The following NECAB1 variants were observed in gnomAD, a reference collection of about 807,000 sequenced individuals.
NECAB1 encodes the protein N-terminal EF-hand calcium binding protein 1.
A neutral mutation model predicts 57.5 loss-of-function variants in NECAB1; 29 were observed. That is an observed-to-expected ratio of 0.50 (90% CI 0.38 to 0.69). The LOEUF (loss-of-function observed/expected upper bound fraction) is 0.69, where lower values mean the gene tolerates loss of function less well. NECAB1 is among the 30% of genes least tolerant of loss of function. The pLI is 0.00. For synonymous variants in NECAB1, 142 were observed against 147.7 expected (o/e 0.96, Z 0.28); for missense variants, 372 against 413.8 (o/e 0.90, Z 0.88).
chr8:90,798,434 A>G (rs184621880), intron 1 of NECAB1, among the ~76,000 whole-genome samples: 1 of 151,998 alleles, frequency 6.6e-6, no homozygotes, highest in East Asian at 1.9e-4. Context: ...TAGTGTTTCA[A>G]CTCTTCTCCC....
rs116603870 is a variant in NECAB1, at chr8:90,932,053, C to T, written c.694-2251C>T. The stretch of plus-strand genomic sequence containing the variant: ...GTATCATCAGATCACAGGACATTCT[C>T]ATTTGAAAGGATGTAATTCAGGATG... On this transcript the variant is annotated intron_variant, in intron 8 of 12. Coordinates refer to ENST00000417640, the MANE Select transcript of NECAB1 (RefSeq NM_022351.5). 2.6e-3 allele frequency among the ~76,000 whole-genome samples: 395 copies of T among 152,216 alleles called. 3 individuals are homozygous for T. The highest frequency in any genetic ancestry group is 8.4e-3 in the African/African-American group (348 of 41,544).
chr8:90,914,988 T>C (rs547100446), intron 5 of NECAB1, among the ~76,000 whole-genome samples: 169 of 152,204 alleles, frequency 1.1e-3, no homozygotes, highest in Non-Finnish European at 6.2e-4. Context: ...CTCTTTTCTA[T>C]AATTCTGACA....
chr8:90,938,604 A>G (rs1460903786), intron 9 of NECAB1, among the ~76,000 whole-genome samples: 1 of 152,210 alleles, frequency 6.6e-6, no homozygotes, highest in African/African-American at 2.4e-5. Flanking sequence ...GCTTGTCAGA[A>G]TAGTCATCAA....
chr8:90,881,164 A>G (rs1211802543), intron 5 of NECAB1, 34 bp downstream of exon 5: 2 of 1,423,104 alleles, frequency 1.4e-6, no homozygotes, highest in Non-Finnish European at 9.6e-7. Context: ...TTCTATAAAA[A>G]TCTCTTCTTT....
At chr8:90,902,107 T>G (rs139804646) in intron 5 of NECAB1, among the ~76,000 whole-genome samples, 153 of 152,330 alleles carry the variant, frequency 1.0e-3, no homozygotes, top group African/African-American at 3.1e-3. Flanking sequence ...TTGAAACTTC[T>G]CAGATTGTTC....
intron 5 of NECAB1, among the ~76,000 whole-genome samples, chr8:90,883,930 T>G (rs1808907268): frequency 6.6e-6 from 1 of 152,176 alleles, no homozygotes; most frequent in African/African-American, 2.4e-5. Flanking sequence ...CAAAAGCAAA[T>G]GTAGAATTCT....
At chr8:90,863,702 G>A (rs1043647231) in intron 3 of NECAB1, among the ~76,000 whole-genome samples, 2 of 152,024 alleles carry the variant, frequency 1.3e-5, no homozygotes, top group African/African-American at 4.8e-5. Flanking sequence ...TATTTCCTAA[G>A]TTTTAAAATC....
intron 4 of NECAB1, among the ~76,000 whole-genome samples, chr8:90,879,051 T>G (rs981474360): frequency 1.3e-4 from 19 of 142,612 alleles, no homozygotes; most frequent in Admixed American, 1.0e-3. Context: ...ATTATTTATA[T>G]AATATATATC....
At chr8:90,941,820 C>T (rs1221974986) in intron 10 of NECAB1, among the ~76,000 whole-genome samples, 1 of 152,248 alleles carries the variant, frequency 6.6e-6, no homozygotes, top group African/African-American at 2.4e-5. Flanking sequence ...TCTCTGCCAG[C>T]CCATGCACTG....
At chr8:90,846,113 A>C (rs1285462681) in intron 3 of NECAB1, among the ~76,000 whole-genome samples, 1 of 152,258 alleles carries the variant, frequency 6.6e-6, no homozygotes, top group Admixed American at 6.5e-5. Flanking sequence ...GCCAGCTTTA[A>C]TGTAATGCCG....
In NECAB1 at chr8:90,922,486, A is replaced by ATTTTTTTTTTTTTTTTTTTTTTTTTTTTT. The variant is rs577951495; in HGVS notation, c.495-3025_495-3024insTTTTTTTTTTTTTTTTTTTTTTTTTTTTT. ...ACCACCAAAGCTGCCAAAAACTTGGATTTTTTTTTTTTTTTTTTTTTTTTG... is the reference window on the plus strand; with the variant it reads ...ACCACCAAAGCTGCCAAAAACTTGGATTTTTTTTTTTTTTTTTTTTTTTTTTTTTTTTTTTTTTTTTTTTTTTTTTTTTG... On this transcript the variant is annotated intron_variant, in intron 6 of 12. Coordinates refer to ENST00000417640, the MANE Select transcript of NECAB1 (RefSeq NM_022351.5). Among the ~76,000 whole-genome samples, 184 of 57,496 alleles carry ATTTTTTTTTTTTTTTTTTTTTTTTTTTTT rather than the reference A, an allele frequency of 3.2e-3. 23 individuals are homozygous for ATTTTTTTTTTTTTTTTTTTTTTTTTTTTT. Among genetic ancestry groups the ATTTTTTTTTTTTTTTTTTTTTTTTTTTTT allele is most frequent in the East Asian group, 0.015 (16 of 1,036 alleles). The allele number at this position is 57,496 out of a possible 152,430, so 37.7% of individuals were successfully genotyped here. A position where few individuals can be genotyped will look rare whatever the true frequency, so the allele number is the denominator to read the frequency against.
chr8:90,879,755 A>G (rs1808804132), intron 4 of NECAB1, among the ~76,000 whole-genome samples: 1 of 152,228 alleles, frequency 6.6e-6, no homozygotes, highest in South Asian at 2.1e-4. Flanking sequence ...AGTCAACATT[A>G]TAACCACAAA....
At chr8:90,818,586 T>C (rs1019682879) in intron 2 of NECAB1, among the ~76,000 whole-genome samples, 4 of 152,084 alleles carry the variant, frequency 2.6e-5, no homozygotes, top group Non-Finnish European at 5.9e-5. Context: ...AGAAGTCCAC[T>C]GTAACTGCAA....
chr8:90,885,048 A>C (rs1015393126), intron 5 of NECAB1, among the ~76,000 whole-genome samples: 3 of 152,176 alleles, frequency 2.0e-5, no homozygotes, highest in African/African-American at 2.4e-5. Flanking sequence ...GGACAGAGAA[A>C]CCTCCACCTC....
chr8:90,926,932 T>C (rs1010355933), intron 7 of NECAB1, among the ~76,000 whole-genome samples: 1 of 152,022 alleles, frequency 6.6e-6, no homozygotes, highest in Non-Finnish European at 1.5e-5. Flanking sequence ...CAGGAAGAAA[T>C]TGAAGAATTG....
chr8:90,919,015 G>T (rs1025509450), intron 6 of NECAB1, among the ~76,000 whole-genome samples: 1 of 151,630 alleles, frequency 6.6e-6, no homozygotes, highest in Admixed American at 6.6e-5. Context: ...ATGGAGAAAA[G>T]TGAATGATGG....
intron 8 of NECAB1, 38 bp from the exon 9 acceptor site, chr8:90,934,266 T>G: frequency 7.1e-7 from 1 of 1,409,660 alleles, no homozygotes; most frequent in Non-Finnish European, 9.6e-7. Context: ...AATGATATAA[T>G]TTTTTTTCTT....
chr8:90,849,346 G>A (rs1317383271), intron 3 of NECAB1, among the ~76,000 whole-genome samples: 1 of 152,028 alleles, frequency 6.6e-6, no homozygotes, highest in Admixed American at 6.6e-5. Flanking sequence ...ATGGGTGCCT[G>A]TAGTTCCAGC....
chr8:90,860,050 T>C (rs1812868318), intron 3 of NECAB1, among the ~76,000 whole-genome samples: 1 of 152,064 alleles, frequency 6.6e-6, no homozygotes, highest in African/African-American at 2.4e-5. Context: ...GATTCAAACC[T>C]GATAAATCTG....
Sources: gnomAD v4.1 joint callset for allele counts (sites outside exome capture counted in the v4.1 genomes callset) on GRCh38, gnomAD v4.1.1 for gene constraint, MANE v1.5 for transcripts, NCBI Gene and HGNC (gene_info 2026-07-23, HGNC 2026-07-21) for gene names.